The following VPS13B variants were observed in gnomAD, a reference collection of about 807,000 sequenced individuals.
VPS13B encodes the protein intermembrane lipid transfer protein VPS13B.
VPS13B carries 285 observed loss-of-function variants against 426.4 expected under a neutral mutation model. The observed-to-expected ratio is 0.67, with a 90% CI of 0.61 to 0.74. The LOEUF (loss-of-function observed/expected upper bound fraction) is 0.74, where lower values mean the gene tolerates loss of function less well. Ranked by LOEUF, VPS13B falls within the 30% of genes least tolerant of loss-of-function variation. The pLI is 0.00. For missense variants in VPS13B, 4,537 were observed against 4,782.6 expected, an observed-to-expected ratio of 0.95 and a Z score of 1.51; for synonymous variants, 1,676 against 1,676.4, an observed-to-expected ratio of 1.00 and a Z score of 0.01.
rs1485018438 is a variant in VPS13B, at chr8:99,222,307, A to G, written c.2515+29250A>G. ...TAACTTCCTTCCCAGTTCACCCCCA[A>G]TATTGGCATTTACTAACTGGTAGTA... is the stretch of plus-strand genomic sequence containing the variant. On this transcript the variant is annotated intron_variant, in intron 17 of 61. Transcript: ENST00000357162. Among the ~76,000 whole-genome samples, 5 of 152,276 alleles carry G rather than the reference A, an allele frequency of 3.3e-5. No homozygotes were observed. In the South Asian group the frequency reaches 6.2e-4, roughly 19 times the overall value.
chr8:99,760,024 T>G (rs911773781), intron 39 of VPS13B, among the ~76,000 whole-genome samples: 5 of 152,170 alleles, frequency 3.3e-5, no homozygotes, highest in African/African-American at 1.2e-4. Flanking sequence ...TCACCCAGGC[T>G]GGAGTGCAGT....
At position 99,853,702 on chromosome 8, in the gene VPS13B, A is replaced by G. The variant is rs146460917; in HGVS notation, c.10313A>G (p.Asn3438Ser). Residue 3438 changes from asparagine (N) to serine (S), a missense_variant, in exon 56 of 62, where the codon AAT (asparagine) becomes AGT (serine). Asn to Ser is a conservative substitution (Grantham distance 46, BLOSUM62 1). This residue lies in a region of VPS13B where 4,311 missense variants were observed against 4,474.3 expected (regional missense o/e 0.96). Coordinates refer to ENST00000357162, the MANE Select transcript of VPS13B (RefSeq NM_152564.5). Reference sequence around the variant, plus strand: ...GACAACCAGCTTTATAACAAGTCCAATTTCCACTTTGCTGTCTTAGTCTGC... The same window carrying G: ...GACAACCAGCTTTATAACAAGTCCAGTTTCCACTTTGCTGTCTTAGTCTGC... ...QLDNQLYNKS[N>S]FHFAVLVCQG... 9.2e-5 allele frequency: 148 copies of G among 1,614,198 alleles called. 1 individual carries two copies. The African/African-American group carries it at 1.7e-3, about 18-fold the overall frequency.
intron 43 of VPS13B, among the ~76,000 whole-genome samples, chr8:99,793,733 A>T (rs1349464419): frequency 6.6e-6 from 1 of 152,190 alleles, no homozygotes; most frequent in African/African-American, 2.4e-5. Context: ...AATCGTGACA[A>T]CCATTTTGGA....
intron 35 of VPS13B, chr8:99,696,769 C>A: frequency 1.4e-6 from 2 of 1,395,890 alleles, no homozygotes; most frequent in African/African-American, 1.4e-5. Context: ...ATGAGGAAAT[C>A]ATGCGTTTTT....
Position 99,096,380 on chromosome 8 carries a change from C to G in VPS13B, c.360C>G (p.Ile120Met). The G allele has an allele frequency of 6.2e-7, 1 of 1,614,156 alleles. No homozygotes were observed. The highest frequency in any genetic ancestry group is 2.2e-5 in the East Asian group (1 of 44,884). The change falls in exon 4 of 62, where the codon ATC becomes ATG. Residue 120 changes from isoleucine (I) to methionine (M), a missense_variant. This residue lies in a region of VPS13B where 226 missense variants were observed against 308.3 expected (regional missense o/e 0.73). Transcript: ENST00000357162. ...CTGCTGAGAGCACAAAATCATCAATCAAACCGCGGAGAATGCAGCAGGCTG... is the reference window on the plus strand; with the variant it reads ...CTGCTGAGAGCACAAAATCATCAATGAAACCGCGGAGAATGCAGCAGGCTG... ...RSTAESTKSSIKPRRMQQAAP... is the reference protein window; with the variant it reads ...RSTAESTKSSMKPRRMQQAAP...
At chr8:99,479,642 T>C (rs1819931726) in intron 24 of VPS13B, among the ~76,000 whole-genome samples, 1 of 152,220 alleles carries the variant, frequency 6.6e-6, no homozygotes, top group African/African-American at 2.4e-5. Flanking sequence ...TCTGTCATTA[T>C]AGACTAATTT....
At chr8:99,146,838 G>A (rs1029857846) in intron 13 of VPS13B, among the ~76,000 whole-genome samples, 1 of 152,048 alleles carries the variant, frequency 6.6e-6, no homozygotes, top group African/African-American at 2.4e-5. Context: ...CCAAAGTCCT[G>A]GGATTATAGG....
At chr8:99,514,667 G>A (rs995867915) in intron 29 of VPS13B, among the ~76,000 whole-genome samples, 1 of 152,138 alleles carries the variant, frequency 6.6e-6, no homozygotes, top group Admixed American at 6.5e-5. Flanking sequence ...ACCACATTTT[G>A]TTTATTAATT....
At chr8:99,197,355 C>A (rs1814000129) in intron 17 of VPS13B, among the ~76,000 whole-genome samples, 1 of 152,150 alleles carries the variant, frequency 6.6e-6, no homozygotes, top group Non-Finnish European at 1.5e-5. Context: ...TGAAAGTATT[C>A]TCTCTTCAGA....
intron 19 of VPS13B, among the ~76,000 whole-genome samples, chr8:99,358,264 G>A (rs1488165430): frequency 6.6e-6 from 1 of 152,164 alleles, no homozygotes; most frequent in African/African-American, 2.4e-5. Flanking sequence ...TTCAGAAGAT[G>A]AGAACTGAAT....
chr8:99,454,353 A>G (rs1818345225), intron 23 of VPS13B, among the ~76,000 whole-genome samples: 1 of 152,090 alleles, frequency 6.6e-6, no homozygotes, highest in South Asian at 2.1e-4. Flanking sequence ...AAATTTTTGT[A>G]GAGACAGGGT....
At chr8:99,348,335 C>T (rs1474088349) in intron 19 of VPS13B, 1 of 152,192 alleles carries the variant, frequency 6.6e-6, no homozygotes, top group Non-Finnish European at 1.5e-5. Flanking sequence ...GTACAAAAAT[C>T]AATTTTATGG....
chr8:99,064,479 G>T (rs1169427387), intron 3 of VPS13B, among the ~76,000 whole-genome samples: 2 of 152,204 alleles, frequency 1.3e-5, no homozygotes, highest in Non-Finnish European at 2.9e-5. Context: ...TTCAATAGCT[G>T]ATTCGATCAA....
intron 16 of VPS13B, among the ~76,000 whole-genome samples, chr8:99,178,155 T>C (rs563911996): frequency 2.0e-5 from 3 of 149,424 alleles, no homozygotes; most frequent in Non-Finnish European, 4.4e-5. Context: ...TTATTTTTTA[T>C]TTTATTTTTT....
intron 34 of VPS13B, among the ~76,000 whole-genome samples, chr8:99,659,600 A>G (rs975229974): frequency 5.3e-5 from 8 of 152,232 alleles, no homozygotes; most frequent in Non-Finnish European, 1.2e-4. Context: ...TAGAAAGTTG[A>G]TTAAATATGC....
intron 33 of VPS13B, 198 bp downstream of exon 33, chr8:99,577,831 C>G (rs1825848516): frequency 1.3e-6 from 1 of 744,390 alleles, no homozygotes; most frequent in African/African-American, 1.8e-5. Flanking sequence ...TCTTATTTAT[C>G]ATGTACCTTT....
intron 20 of VPS13B, among the ~76,000 whole-genome samples, chr8:99,388,055 A>G (rs1295836778): frequency 2.6e-5 from 4 of 152,344 alleles, no homozygotes; most frequent in South Asian, 2.1e-4. Context: ...AACATTTATT[A>G]AAAATTATAC....
chr8:99,484,018 A>G (rs1820176595), intron 25 of VPS13B, among the ~76,000 whole-genome samples: 1 of 152,156 alleles, frequency 6.6e-6, no homozygotes. Context: ...ATTCATTCTA[A>G]GAGGTCTGTG....
intron 58 of VPS13B, 146 bp downstream of exon 58, chr8:99,862,092 G>A: frequency 1.0e-6 from 1 of 967,140 alleles, no homozygotes; most frequent in Non-Finnish European, 1.5e-6. Flanking sequence ...GTTCTACAGT[G>A]CGTCCCGCCG....
Sources: gnomAD v4.1 joint callset for allele counts (sites outside exome capture counted in the v4.1 genomes callset) on GRCh38, gnomAD v4.1.1 for gene constraint, gnomAD v4.1.1 regional missense constraint, MANE v1.5 for transcripts, NCBI Gene and HGNC (gene_info 2026-07-23, HGNC 2026-07-21) for gene names.